Variants in CEP89 observed in about 807,000 individuals in gnomAD.
CEP89 encodes centrosomal protein 89, also known as centrosomal protein of 89 kDa.
Under a neutral mutation model 97.6 loss-of-function variants are expected in CEP89, and 95 were observed. The observed-to-expected ratio is 0.97, with a 90% CI of 0.82 to 1.15. The LOEUF is 1.15. Among genes scored for constraint, CEP89 ranks in the 50% most tolerant of loss-of-function variants. CEP89 has a pLI of 0.00. For synonymous variants in CEP89, 354 were observed against 349.1 expected (o/e 1.01, Z -0.16); for missense variants, 869 against 947.7 (o/e 0.92, Z 1.09).
intron 16 of CEP89, among the ~76,000 whole-genome samples, chr19:32,898,056 A>G (rs556166010): frequency 6.6e-6 from 1 of 151,634 alleles, no homozygotes; most frequent in East Asian, 1.9e-4. Flanking sequence ...GGAAATCAGT[A>G]TATCAAAGGG....
At chr19:32,893,236 G>A (rs1254693358) in intron 16 of CEP89, among the ~76,000 whole-genome samples, 2 of 152,030 alleles carry the variant, frequency 1.3e-5, no homozygotes, top group Non-Finnish European at 2.9e-5. Context: ...GCAAGCAGGA[G>A]TAGCTATACT....
chr19:32,938,540 G>A (rs1970622777), intron 6 of CEP89, among the ~76,000 whole-genome samples: 1 of 152,144 alleles, frequency 6.6e-6, no homozygotes, highest in South Asian at 2.1e-4. Context: ...TGACAAAGTA[G>A]ACAAGGTTAT....
At chr19:32,893,646 T>G (rs1969580497) in intron 16 of CEP89, among the ~76,000 whole-genome samples, 1 of 152,192 alleles carries the variant, frequency 6.6e-6, no homozygotes. Flanking sequence ...CTCAACAAAT[T>G]TAAAAATACT....
rs1160619567 is a variant in CEP89 at position 32,906,343 on chromosome 19, G to T, written c.1566-4931C>A. Among the ~76,000 whole-genome samples the T allele has an allele frequency of 2.0e-5, 3 of 151,946 alleles. No individual in the cohort carries two copies. The South Asian group carries it at 6.2e-4, about 32-fold the overall frequency. ...TACTAGTTTAAAAGTTATATACATT[G>T]TTTCCAGAAATTTCATCATGCATAT... On this transcript the variant is annotated intron_variant, in intron 14 of 18. Coordinates refer to ENST00000305768, the MANE Select transcript of CEP89 (RefSeq NM_032816.5).
At chr19:32,902,531 C>A (rs188580872) in intron 14 of CEP89, among the ~76,000 whole-genome samples, 1,881 of 152,304 alleles carry the variant, frequency 0.012, 23 homozygotes, top group Middle Eastern at 0.024. Context: ...AGCTAAAAAA[C>A]CAGGCAAAAC....
intron 14 of CEP89, among the ~76,000 whole-genome samples, chr19:32,905,604 A>T (rs1243727734): frequency 6.6e-6 from 1 of 152,082 alleles, no homozygotes; most frequent in African/African-American, 2.4e-5. Context: ...TTTCATCTAA[A>T]TTTTCAAATG....
At chr19:32,892,177 T>TAC (rs1279084505) in intron 16 of CEP89, among the ~76,000 whole-genome samples, 2 of 143,548 alleles carry the variant, frequency 1.4e-5, no homozygotes, top group African/African-American at 2.5e-5. Flanking sequence ...TATTTAGACA[T>TAC]ATATATTTAG....
chr19:32,887,535 A>C (rs1268697345), intron 17 of CEP89, among the ~76,000 whole-genome samples: 1 of 152,080 alleles, frequency 6.6e-6, no homozygotes, highest in Non-Finnish European at 1.5e-5. Flanking sequence ...CTTTTTTCTT[A>C]AACAGCTATG....
intron 1 of CEP89, among the ~76,000 whole-genome samples, chr19:32,968,162 G>A (rs1225983927): frequency 6.6e-6 from 1 of 152,184 alleles, no homozygotes; most frequent in Non-Finnish European, 1.5e-5. Context: ...TGTGGCACCT[G>A]CCACCCTGTA....
At position 32,933,576 on chromosome 19, in the gene CEP89, T is replaced by G. The variant is rs771536568; in HGVS notation, c.761A>C (p.Asn254Thr). 1.2e-6 allele frequency: 2 copies of G among 1,612,608 alleles called. No homozygotes were observed. The highest frequency in any genetic ancestry group is 2.7e-5 in the African/African-American group (2 of 74,912). ...KEENMDLNNM[N>T]QSLTLELNTM... The stretch of plus-strand genomic sequence containing the variant: ...GTTTAGTTCAAGGGTAAGGCTTTGA[T>G]TCATATTGTTTAGGTCCATATTTTC... Residue 254 changes from asparagine to threonine, a missense_variant, in exon 8 of 19, where the codon AAT (asparagine) becomes ACT (threonine). Coordinates refer to ENST00000305768, the MANE Select transcript of CEP89 (RefSeq NM_032816.5).
intron 5 of CEP89, among the ~76,000 whole-genome samples, chr19:32,943,187 G>C (rs1599762851): frequency 6.6e-6 from 1 of 152,178 alleles, no homozygotes; most frequent in Non-Finnish European, 1.5e-5. Context: ...TGTAGAAACG[G>C]GGTCTCCCTG....
At chr19:32,900,317 C>T (rs994504971) in intron 15 of CEP89, among the ~76,000 whole-genome samples, 3 of 148,296 alleles carry the variant, frequency 2.0e-5, no homozygotes, top group Non-Finnish European at 4.4e-5. Flanking sequence ...ATGATCATGG[C>T]TCACTGTAAC....
At chr19:32,927,043 T>A (rs1970373176) in intron 9 of CEP89, 59 bp from the exon 10 acceptor site, 1 of 1,422,856 alleles carries the variant, frequency 7.0e-7, no homozygotes, top group Non-Finnish European at 9.9e-7. Flanking sequence ...AATTTTCAAG[T>A]CTTAGATATT....
At chr19:32,938,139 A>C (rs1970616071) in intron 6 of CEP89, among the ~76,000 whole-genome samples, 1 of 151,616 alleles carries the variant, frequency 6.6e-6, no homozygotes, top group Non-Finnish European at 1.5e-5. Flanking sequence ...TGAATCTGAG[A>C]CCTTAAGTGT....
intron 12 of CEP89, among the ~76,000 whole-genome samples, chr19:32,922,432 A>G (rs1043909045): frequency 6.6e-6 from 1 of 152,166 alleles, no homozygotes; most frequent in Non-Finnish European, 1.5e-5. Flanking sequence ...AGTCCCAGCT[A>G]CTTGGGAGGC....
At chr19:32,965,685 G>T (rs1181913736) in intron 2 of CEP89, among the ~76,000 whole-genome samples, 1 of 149,748 alleles carries the variant, frequency 6.7e-6, no homozygotes, top group Non-Finnish European at 1.5e-5. Flanking sequence ...AACAGAGCAA[G>T]ATCTTGCCTT....
At position 32,926,184 on chromosome 19, in the gene CEP89, G is replaced by T; in HGVS notation, c.1164+6C>A. Reference sequence around the variant, plus strand: ...CTTGTGTCTTCTGGGACATTTGCCAGCCTACCTTGAGGGTGGCATTGAGCT... The same window carrying T: ...CTTGTGTCTTCTGGGACATTTGCCATCCTACCTTGAGGGTGGCATTGAGCT... On this transcript the variant is annotated splice_donor_region_variant and intron_variant, in intron 11 of 18. Transcript: ENST00000305768. 1 of 1,602,250 alleles carries T rather than the reference G, an allele frequency of 6.2e-7. No homozygotes were observed. Among genetic ancestry groups the T allele is most frequent in the Non-Finnish European group, 8.5e-7 (1 of 1,170,502 alleles).
chr19:32,939,518 A>T (rs1249523241), intron 6 of CEP89, among the ~76,000 whole-genome samples: 1 of 151,812 alleles, frequency 6.6e-6, no homozygotes, highest in East Asian at 2.0e-4. Flanking sequence ...CTTTATCAAA[A>T]ATACAACAAA....
In CEP89 at chr19:32,878,608, C is replaced by T. The variant is rs1016644433; in HGVS notation, c.*554G>A. ...GAGCAGTGGGTGTCATAGAACTCAT[C>T]TCAGTGGCAATGTGGCCAGAGAACA... On this transcript the variant is annotated 3_prime_UTR_variant, in exon 19 of 19. Transcript: ENST00000305768. The T allele has an allele frequency of 7.9e-5, 12 of 152,326 alleles. No individual in the cohort carries two copies. The highest frequency in any genetic ancestry group is 2.9e-4 in the African/African-American group (12 of 41,452). The allele number at this position is 152,326 out of a possible 1,614,324, so 9.4% of individuals were successfully genotyped here. A position where few individuals can be genotyped will look rare whatever the true frequency, so the allele number is the denominator to read the frequency against.
Sources: allele counts gnomAD v4.1 joint callset (sites outside exome capture counted in the v4.1 genomes callset), GRCh38; gene constraint gnomAD v4.1.1; transcripts MANE v1.5; gene names NCBI Gene and HGNC (gene_info 2026-07-23, HGNC 2026-07-21).